The following SPAG16 variants were observed in gnomAD, a reference collection of about 807,000 sequenced individuals.
SPAG16 encodes sperm-associated antigen 16 protein.
A neutral mutation model predicts 80.4 loss-of-function variants in SPAG16; 86 were observed. The observed-to-expected ratio is 1.07, with a 90% confidence interval of 0.90 to 1.28. SPAG16 has a LOEUF of 1.28. Ranked by LOEUF, SPAG16 falls within the 50% of genes most tolerant of loss-of-function variation. The pLI, the probability that SPAG16 is intolerant of heterozygous loss-of-function variation, is 0.00. For synonymous variants in SPAG16, 294 were observed against 265.9 expected, an observed-to-expected ratio of 1.11 and a Z score of -1.03; for missense variants, 870 against 765.3, an observed-to-expected ratio of 1.14 and a Z score of -1.61.
chr2:214,260,835 A>C (rs758297114), intron 15 of SPAG16, among the ~76,000 whole-genome samples: 1 of 152,058 alleles, frequency 6.6e-6, no homozygotes. Context: ...GGCCAGGTGC[A>C]GTGGCTCACA....
At chr2:214,135,809 G>T (rs1384869346) in intron 14 of SPAG16, among the ~76,000 whole-genome samples, 1 of 151,328 alleles carries the variant, frequency 6.6e-6, no homozygotes, top group Non-Finnish European at 1.5e-5. Flanking sequence ...CTTGCCTTCT[G>T]CCATGAAAAG....
At chr2:214,146,836 T>A (rs1218705525) in intron 14 of SPAG16, among the ~76,000 whole-genome samples, 2 of 151,896 alleles carry the variant, frequency 1.3e-5, no homozygotes, top group Admixed American at 6.6e-5. Flanking sequence ...CCGTCTCTAC[T>A]AAAAATACAA....
At chr2:213,764,517 T>TA (rs2068830169) in intron 10 of SPAG16, among the ~76,000 whole-genome samples, 1 of 152,190 alleles carries the variant, frequency 6.6e-6, no homozygotes, top group Non-Finnish European at 1.5e-5. Context: ...GTATTCCACA[T>TA]ATTTTTTTTA....
At chr2:213,330,425 G>C (rs1381090200) in intron 5 of SPAG16, among the ~76,000 whole-genome samples, 1 of 152,178 alleles carries the variant, frequency 6.6e-6, no homozygotes, top group Non-Finnish European at 1.5e-5. Context: ...GATCATTTTG[G>C]AGCTTTAAGA....
intron 10 of SPAG16, among the ~76,000 whole-genome samples, chr2:213,625,865 TTTTCAA>T (rs949432738): frequency 6.6e-6 from 1 of 151,970 alleles, no homozygotes; most frequent in African/African-American, 2.4e-5. Context: ...TTTTTTTGTA[TTTTCAA>T]TAGAGACGGG....
intron 9 of SPAG16, among the ~76,000 whole-genome samples, chr2:213,434,429 A>C (rs1287812916): frequency 1.3e-5 from 2 of 152,220 alleles, no homozygotes. Flanking sequence ...TATGACTAAG[A>C]CCTCAATAGC....
intron 15 of SPAG16, among the ~76,000 whole-genome samples, chr2:214,233,136 G>A (rs1167043385): frequency 2.0e-5 from 3 of 151,902 alleles, no homozygotes; most frequent in Non-Finnish European, 2.9e-5. Context: ...AAAAGGGGGG[G>A]CCATAAGTGT....
In SPAG16 at chr2:213,807,408, T is replaced by G. The variant is rs559709981; in HGVS notation, c.1071-55077T>G. On this transcript the variant is annotated intron_variant, in intron 10 of 15. Coordinates refer to ENST00000331683, the MANE Select transcript of SPAG16 (RefSeq NM_024532.5). ...TCACCTCCCAATGTTATCTCTATGA[T>G]GAAGCTTCCCAAGTGCCTATCCCAG... 3.3e-5 allele frequency among the ~76,000 whole-genome samples: 5 copies of G among 152,254 alleles called. No individual in the cohort carries two copies. In the South Asian group the frequency reaches 8.3e-4, roughly 25 times the overall value.
At chr2:214,331,270 A>C (rs541259276) in intron 15 of SPAG16, among the ~76,000 whole-genome samples, 26 of 152,282 alleles carry the variant, frequency 1.7e-4, no homozygotes, top group African/African-American at 6.3e-4. Context: ...CTTCTATAGC[A>C]AACATAGGTA....
intron 15 of SPAG16, among the ~76,000 whole-genome samples, chr2:214,349,821 T>C (rs1311904351): frequency 1.3e-5 from 2 of 152,228 alleles, no homozygotes; most frequent in Non-Finnish European, 2.9e-5. Flanking sequence ...TTTGCATTTA[T>C]TTTATGACGA....
chr2:213,606,780 C>A (rs1220152645), intron 10 of SPAG16, among the ~76,000 whole-genome samples: 1 of 152,174 alleles, frequency 6.6e-6, no homozygotes, highest in Admixed American at 6.5e-5. Flanking sequence ...TAGCAATGAA[C>A]CTTTCCCTAA....
intron 12 of SPAG16, among the ~76,000 whole-genome samples, chr2:213,986,937 G>A (rs28723594): frequency 0.27 from 37,992 of 140,888 alleles, 5,782 homozygotes; most frequent in South Asian, 0.59. Flanking sequence ...ACTATCATAT[G>A]TGTTTTTAAA....
At chr2:213,518,329 A>T (rs1008345177) in intron 10 of SPAG16, among the ~76,000 whole-genome samples, 1 of 152,192 alleles carries the variant, frequency 6.6e-6, no homozygotes, top group Admixed American at 6.5e-5. Flanking sequence ...TGCAGGTAGC[A>T]TGATCATCGC....
At position 214,163,994 on chromosome 2, in the gene SPAG16, C is replaced by T. The variant is rs188789190; in HGVS notation, c.1720+14728C>T. Among the ~76,000 whole-genome samples, 27 of 152,052 alleles carry T rather than the reference C, an allele frequency of 1.8e-4. 1 individual carries two copies. The highest frequency in any genetic ancestry group is 1.4e-3 in the Admixed American group (21 of 15,236). ...AGCATTATCTACACTAGTGTTTGAC[C>T]AAATACCGGGTACCATATGTACAAT... On this transcript the variant is annotated intron_variant, in intron 15 of 15. Transcript: ENST00000331683.
At chr2:213,972,406 T>C (rs1395640876) in intron 12 of SPAG16, among the ~76,000 whole-genome samples, 2 of 152,268 alleles carry the variant, frequency 1.3e-5, no homozygotes, top group South Asian at 2.1e-4. Flanking sequence ...GAAAAGATGT[T>C]GGTGTAGTTG....
At chr2:213,945,267 A>G (rs1284473594) in intron 12 of SPAG16, among the ~76,000 whole-genome samples, 2 of 147,682 alleles carry the variant, frequency 1.4e-5, no homozygotes, top group African/African-American at 2.5e-5. Context: ...TTATACAAGT[A>G]TATATATATA....
At chr2:213,867,651 A>G (rs966914464) in intron 11 of SPAG16, among the ~76,000 whole-genome samples, 1 of 152,114 alleles carries the variant, frequency 6.6e-6, no homozygotes, top group Non-Finnish European at 1.5e-5. Flanking sequence ...GGCCGTGTTC[A>G]GTGGCTCACG....
chr2:214,144,940 A>C (rs1241808482), intron 14 of SPAG16, among the ~76,000 whole-genome samples: 3 of 152,042 alleles, frequency 2.0e-5, no homozygotes, highest in Non-Finnish European at 4.4e-5. Flanking sequence ...AGACATAGGG[A>C]CTTTCATAGA....
intron 10 of SPAG16, among the ~76,000 whole-genome samples, chr2:213,848,626 G>T (rs2074745199): frequency 6.6e-6 from 1 of 152,090 alleles, no homozygotes; most frequent in African/African-American, 2.4e-5. Context: ...AGTTATTTGT[G>T]TTCATGGAGT....
Sources: gnomAD v4.1 joint callset for allele counts (sites outside exome capture counted in the v4.1 genomes callset) on GRCh38, gnomAD v4.1.1 for gene constraint, MANE v1.5 for transcripts, NCBI Gene and HGNC (gene_info 2026-07-23, HGNC 2026-07-21) for gene names.